HERC3: variants seen among roughly 807,000 people sequenced by gnomAD.
HERC3 encodes the protein probable E3 ubiquitin-protein ligase HERC3.
A neutral mutation model predicts 129.9 loss-of-function variants in HERC3; 58 were observed. That is an observed-to-expected ratio of 0.45 (90% CI 0.36 to 0.56). HERC3 has a LOEUF of 0.56. Among genes scored for constraint, HERC3 ranks in the 20% least tolerant of loss-of-function variants. The probability of loss-of-function intolerance (pLI) is 0.00; values close to 1 mark genes in which losing one functional copy is unlikely to be tolerated. For synonymous variants in HERC3, 430 were observed against 451.0 expected, an observed-to-expected ratio of 0.95 and a Z score of 0.59; for missense variants, 835 against 1,244.2, an observed-to-expected ratio of 0.67 and a Z score of 4.95.
At chr4:88,676,450 CT>C in intron 18 of HERC3, 27 bp downstream of exon 18, 2 of 1,460,756 alleles carry the variant, frequency 1.4e-6, no homozygotes, top group Non-Finnish European at 1.9e-6. Flanking sequence ...ATTATTTCTT[CT>C]TTTTACTGTG....
chr4:88,645,911 G>A (rs1377816142), intron 3 of HERC3, among the ~76,000 whole-genome samples: 2 of 152,180 alleles, frequency 1.3e-5, no homozygotes, highest in Non-Finnish European at 2.9e-5. Flanking sequence ...GCCATTGGAT[G>A]TGTTTCTCGT....
intron 3 of HERC3, among the ~76,000 whole-genome samples, chr4:88,623,580 C>T (rs993054126): frequency 1.3e-5 from 2 of 152,162 alleles, no homozygotes; most frequent in Admixed American, 6.5e-5. Context: ...TTGTCCCTCA[C>T]GTGGGCTACC....
At chr4:88,575,569 A>C in the HERC3 span, among the ~76,000 whole-genome samples, 1 of 152,332 alleles carries the variant, frequency 6.6e-6, no homozygotes, top group East Asian at 1.9e-4. Context: ...TCTATAGTGA[A>C]GTTCTTGGGA....
the HERC3 span, among the ~76,000 whole-genome samples, chr4:88,540,726 A>T: frequency 6.6e-6 from 1 of 152,250 alleles, no homozygotes; most frequent in Non-Finnish European, 1.5e-5. Context: ...AGGGAAGCCC[A>T]TCAGACTAAC....
At chr4:88,612,139 C>T (rs774004561) in intron 3 of HERC3, among the ~76,000 whole-genome samples, 2 of 152,160 alleles carry the variant, frequency 1.3e-5, no homozygotes, top group Non-Finnish European at 2.9e-5. Context: ...AAGCACCTCT[C>T]AGTGATTCTA....
rs185207802 is a variant in HERC3, at chr4:88,664,700, A to G, written c.1331+488A>G. Among the ~76,000 whole-genome samples, 16 of 152,220 alleles carry G rather than the reference A, an allele frequency of 1.1e-4. No homozygotes were observed. The East Asian group carries it at 3.1e-3, about 29-fold the overall frequency. ...ATTCTAAATTCTTAATTCCTCAGAT[A>G]ATTTTCTTGATTTCTTTGGTTTGCT... On this transcript the variant is annotated intron_variant, in intron 12 of 25. Transcript: ENST00000402738.
chr4:88,683,109 C>T (rs1054449771), intron 21 of HERC3, among the ~76,000 whole-genome samples: 1 of 152,294 alleles, frequency 6.6e-6, no homozygotes, highest in East Asian at 1.9e-4. Flanking sequence ...CTTTTGGCTG[C>T]ATAAATGTCT....
intron 23 of HERC3, among the ~76,000 whole-genome samples, chr4:88,695,746 A>C (rs1734540674): frequency 6.6e-6 from 1 of 152,106 alleles, no homozygotes; most frequent in African/African-American, 2.4e-5. Flanking sequence ...GTATTAATCC[A>C]TTTGCTCTTC....
At chr4:88,702,571 A>G (rs975104107) in intron 23 of HERC3, among the ~76,000 whole-genome samples, 1 of 152,176 alleles carries the variant, frequency 6.6e-6, no homozygotes, top group East Asian at 1.9e-4. Flanking sequence ...ATTCCATCAA[A>G]GTGCTCTGCT....
At chr4:88,705,019 C>T (rs1735664897) in intron 25 of HERC3, among the ~76,000 whole-genome samples, 1 of 151,964 alleles carries the variant, frequency 6.6e-6, no homozygotes, top group East Asian at 1.9e-4. Flanking sequence ...TGCCACCATG[C>T]CCGGCAGATT....
chr4:88,599,685 G>T (rs756823218), intron 2 of HERC3, among the ~76,000 whole-genome samples: 20 of 152,148 alleles, frequency 1.3e-4, no homozygotes, highest in Admixed American at 2.6e-4. Context: ...GAGATGCTTT[G>T]GTTACCTGGT....
At chr4:88,613,095 A>G (rs1435264332) in intron 3 of HERC3, among the ~76,000 whole-genome samples, 2 of 152,234 alleles carry the variant, frequency 1.3e-5, no homozygotes, top group African/African-American at 4.8e-5. Flanking sequence ...TATTAGGGAT[A>G]TCTGAACTTA....
intron 23 of HERC3, among the ~76,000 whole-genome samples, chr4:88,692,686 A>T (rs1252911004): frequency 6.6e-6 from 1 of 152,316 alleles, no homozygotes. Flanking sequence ...AATATTTTAC[A>T]TGTAAGACTC....
Position 88,686,802 on chromosome 4 carries a change from G to C in HERC3, c.2574G>C (p.Thr858=), listed in dbSNP as rs547784358. 2.5e-6 allele frequency: 4 copies of C among 1,606,428 alleles called. No homozygotes were observed. The highest frequency in any genetic ancestry group is 1.7e-5 in the Admixed American group (1 of 59,956). Residue 858 remains threonine, a splice_region_variant and synonymous_variant, in exon 22 of 26, where the codon ACG becomes ACC. Coordinates refer to ENST00000402738, the MANE Select transcript of HERC3 (RefSeq NM_014606.3). ...DVEETFCLNF[T]ICRESYGVIE... ...AGGAGACTTTCTGCCTCAACTTCAC[G>C]GTAAGAATTTCCACAGTTTACTTAG...
chr4:88,613,956 G>A (rs1578170354), intron 3 of HERC3, among the ~76,000 whole-genome samples: 1 of 125,010 alleles, frequency 8.0e-6, no homozygotes, highest in African/African-American at 3.9e-5. Flanking sequence ...ATAATTGATC[G>A]GAATTTTTTT....
intron 23 of HERC3, chr4:88,697,758 AGAG>A (rs1001161230): frequency 6.2e-7 from 1 of 1,603,354 alleles, no homozygotes; most frequent in Non-Finnish European, 8.5e-7. Context: ...CGGCCATGTT[AGAG>A]GAGAAGCCGC....
At chr4:88,668,652 T>C (rs1349923221) in intron 14 of HERC3, 1 of 154,426 alleles carries the variant, frequency 6.5e-6, no homozygotes, top group Non-Finnish European at 1.5e-5. Context: ...GAAATGTTTT[T>C]ATTACTCAAG....
chr4:88,534,321 G>A, the HERC3 span, among the ~76,000 whole-genome samples: 1 of 152,184 alleles, frequency 6.6e-6, no homozygotes, highest in Non-Finnish European at 1.5e-5. Context: ...CTGGGCAGAG[G>A]CCAGGGATGC....
At chr4:88,593,673 C>G (rs1247732367) in intron 1 of HERC3, among the ~76,000 whole-genome samples, 1 of 152,170 alleles carries the variant, frequency 6.6e-6, no homozygotes, top group Non-Finnish European at 1.5e-5. Flanking sequence ...GAGCTCTCTT[C>G]CATTTGTATG....
Sources: allele counts gnomAD v4.1 joint callset (sites outside exome capture counted in the v4.1 genomes callset), GRCh38; gene constraint gnomAD v4.1.1; transcripts MANE v1.5; gene names NCBI Gene and HGNC (gene_info 2026-07-23, HGNC 2026-07-21).